Variants in MGST1 observed in about 807,000 individuals in gnomAD.
MGST1 encodes glutathione S-transferase 12.
A neutral mutation model predicts 8.9 loss-of-function variants in MGST1; 5 were observed. The ratio of observed to expected loss-of-function variants is 0.56; its 90% CI spans 0.29 to 1.19. The LOEUF (loss-of-function observed/expected upper bound fraction) is 1.19, where lower values mean the gene tolerates loss of function less well. Ranked by LOEUF, MGST1 falls within the 50% of genes most tolerant of loss-of-function variation. The pLI, the probability that MGST1 is intolerant of heterozygous loss-of-function variation, is 0.08. For missense variants in MGST1, 182 were observed against 187.4 expected, an observed-to-expected ratio of 0.97 and a Z score of 0.17; for synonymous variants, 54 against 67.8, an observed-to-expected ratio of 0.80 and a Z score of 1.00.
chr12:16,485,360 T>C (rs1442430189), intron 4 of MGST1, among the ~76,000 whole-genome samples: 2 of 152,208 alleles, frequency 1.3e-5, no homozygotes, highest in Non-Finnish European at 2.9e-5. Context: ...TAAAATTACA[T>C]AGGATTTAAA....
In MGST1 at chr12:16,576,599, CTT is replaced by C. The variant is rs1272414550; in HGVS notation, n.483-12927_483-12926del. ...GTATCAGTTACGTACCTGTTTGTCTCTTTCTCACTACATAATAAGCTCCCTGA... is the reference window on the plus strand; with the variant it reads ...GTATCAGTTACGTACCTGTTTGTCTCTCTCACTACATAATAAGCTCCCTGA... On this transcript the variant is annotated intron_variant and non_coding_transcript_variant, in intron 4 of 4. Transcript: ENST00000538857. The surrounding 1 kb of genome is among the most constrained non-coding windows in gnomAD (Gnocchi z 4.1). Among the ~76,000 whole-genome samples, 3 of 152,210 alleles carry C rather than the reference CTT, an allele frequency of 2.0e-5. No individual in the cohort carries two copies. Among genetic ancestry groups the C allele is most frequent in the Non-Finnish European group, 4.4e-5 (3 of 68,042 alleles).
rs1238284563 is a variant in MGST1, at chr12:16,482,535, G to A, written n.482+98931G>A. The stretch of plus-strand genomic sequence containing the variant: ...AATCCTAGCTACTCGGGAGGCCGAG[G>A]CAGGAGAATTGCTTGAAACTGGGAG... On this transcript the variant is annotated intron_variant and non_coding_transcript_variant, in intron 4 of 4. Coordinates refer to the MGST1 transcript ENST00000538857. This position sits in a 1 kb window ranked among gnomAD's most constrained non-coding sequence, Gnocchi z 4.2. 2.0e-5 allele frequency among the ~76,000 whole-genome samples: 3 copies of A among 152,080 alleles called. No homozygotes were observed. Among genetic ancestry groups the A allele is most frequent in the African/African-American group, 4.8e-5 (2 of 41,408 alleles).
At chr12:16,558,557 A>G (rs1942275846) in intron 4 of MGST1, among the ~76,000 whole-genome samples, 1 of 151,846 alleles carries the variant, frequency 6.6e-6, no homozygotes, top group African/African-American at 2.4e-5. Context: ...TATCCCTACC[A>G]AAAACATGTG....
intron 4 of MGST1, among the ~76,000 whole-genome samples, chr12:16,453,241 T>G (rs1941144096): frequency 6.6e-6 from 1 of 151,922 alleles, no homozygotes; most frequent in Non-Finnish European, 1.5e-5. Context: ...CAACGTCCTT[T>G]TAGACTTCAA....
chr12:16,430,106 T>G (rs898810460), intron 1 of MGST1, among the ~76,000 whole-genome samples: 1 of 152,204 alleles, frequency 6.6e-6, no homozygotes, highest in Non-Finnish European at 1.5e-5. Flanking sequence ...AAGAAATCAC[T>G]TTCTTTGCTC....
rs1216340295 is a variant in MGST1, at chr12:16,426,815, A to AC, written n.779-10573_779-10572insC. 4.1e-4 allele frequency among the ~76,000 whole-genome samples: 62 copies of AC among 151,872 alleles called. No homozygotes were observed. In the East Asian group the frequency reaches 4.5e-3, roughly 11 times the overall value. ...AAATACAAAAACAACAACAACAACA[A>AC]AAAAAAATTAGCCGGGCGTGATGGC... On this transcript the variant is annotated intron_variant and non_coding_transcript_variant, in intron 1 of 1. Coordinates refer to the MGST1 transcript ENST00000359720.
intron 4 of MGST1, among the ~76,000 whole-genome samples, chr12:16,480,142 C>CTTTTT (rs57998683): frequency 3.1e-5 from 4 of 129,942 alleles, no homozygotes; most frequent in African/African-American, 5.7e-5. Flanking sequence ...TAAAAATTTG[C>CTTTTT]TTTTTTTTTT....
downstream of MGST1, among the ~76,000 whole-genome samples, chr12:16,591,516 G>T (rs894629820): frequency 1.5e-5 from 2 of 133,490 alleles, no homozygotes; most frequent in Non-Finnish European, 3.2e-5. This position sits in a 1 kb window ranked among gnomAD's most constrained non-coding sequence, Gnocchi z 4.1. Flanking sequence ...TCTACAAGGG[G>T]AGCAGGTATT....
intron 1 of MGST1, among the ~76,000 whole-genome samples, chr12:16,424,005 C>T (rs1020482718): frequency 6.6e-6 from 1 of 152,138 alleles, no homozygotes; most frequent in African/African-American, 2.4e-5. Context: ...ATTCAGAGTA[C>T]ATTTATAGTC....
chr12:16,405,413 A>G (rs148672331), intron 1 of MGST1, among the ~76,000 whole-genome samples: 200 of 152,210 alleles, frequency 1.3e-3, no homozygotes, highest in East Asian at 2.3e-3. Flanking sequence ...CCAAAATTCA[A>G]TCAGTAATGA....
chr12:16,544,162 G>T lies in MGST1; in HGVS notation n.483-45366G>T. Among the ~76,000 whole-genome samples, 1 of 146,230 alleles carries T rather than the reference G, an allele frequency of 6.8e-6. No individual in the cohort carries two copies. On this transcript the variant is annotated intron_variant and non_coding_transcript_variant, in intron 4 of 4. Transcript: ENST00000538857. The surrounding 1 kb of genome is among the most constrained non-coding windows in gnomAD (Gnocchi z 4.8). ...CATGCCTTTTATTTTTGGATTTCTG[G>T]TTTTCTAAGGTATTGTCTTTCAAAA... is the stretch of plus-strand genomic sequence containing the variant.
rs144973079 is a variant in MGST1, at chr12:16,397,940, C to A, written n.778+14336C>A. ...CTCATTAAGATTTTGATTAGGATTA[C>A]AATAAATATAAATAGGTCAATATCT... On this transcript the variant is annotated intron_variant and non_coding_transcript_variant, in intron 1 of 1. Coordinates refer to the MGST1 transcript ENST00000359720. Among the ~76,000 whole-genome samples, 192 of 151,358 alleles carry A rather than the reference C, an allele frequency of 1.3e-3. 3 individuals are homozygous for A. In the East Asian group the frequency reaches 0.031, roughly 24 times the overall value.
chr12:16,546,248 AG>A lies in MGST1; in HGVS notation n.483-43279del, dbSNP rs1398135769. On this transcript the variant is annotated intron_variant and non_coding_transcript_variant, in intron 4 of 4. Coordinates refer to the MGST1 transcript ENST00000538857. The surrounding 1 kb of genome is among the most constrained non-coding windows in gnomAD (Gnocchi z 4.7). Reference sequence around the variant, plus strand: ...TCTTCTCCAGGAGCAGGGTGAAAAAAGATTTTGATTATGTATTATCTGAATG... The same window carrying A: ...TCTTCTCCAGGAGCAGGGTGAAAAAAATTTTGATTATGTATTATCTGAATG... Among the ~76,000 whole-genome samples, 1 of 152,142 alleles carries A rather than the reference AG, an allele frequency of 6.6e-6. No homozygotes were observed. The highest frequency in any genetic ancestry group is 1.5e-5 in the Non-Finnish European group (1 of 67,994).
intron 1 of MGST1, among the ~76,000 whole-genome samples, chr12:16,426,173 A>G (rs1235143706): frequency 1.3e-5 from 2 of 152,100 alleles, no homozygotes; most frequent in Non-Finnish European, 2.9e-5. Flanking sequence ...GGCTGACACT[A>G]TGTGTTTGCT....
intron 1 of MGST1, among the ~76,000 whole-genome samples, chr12:16,432,201 G>GTT (rs1170559853): frequency 6.6e-6 from 1 of 152,106 alleles, no homozygotes; most frequent in Non-Finnish European, 1.5e-5. Flanking sequence ...CTTCTGATAA[G>GTT]TTTAAGGAGA....
At chr12:16,400,305 T>A in intron 1 of MGST1, 1 of 794,380 alleles carries the variant, frequency 1.3e-6, no homozygotes, top group Non-Finnish European at 2.3e-6. Flanking sequence ...AGAGCTGGAA[T>A]GAAGCATGCT....
chr12:16,565,538 T>C (rs1220878606), intron 4 of MGST1, among the ~76,000 whole-genome samples: 1 of 152,154 alleles, frequency 6.6e-6, no homozygotes, highest in Non-Finnish European at 1.5e-5. Flanking sequence ...AAATGTATTA[T>C]GAAAGTTAAA....
chr12:16,360,435 AAACTT>A (rs1399555464), intron 3 of MGST1: 1 of 891,144 alleles, frequency 1.1e-6, no homozygotes, highest in African/African-American at 1.8e-5. Context: ...AATTAACTAA[AAACTT>A]AAGGTAATAT....
At chr12:16,421,654 G>A (rs1940836810) in intron 1 of MGST1, among the ~76,000 whole-genome samples, 1 of 152,130 alleles carries the variant, frequency 6.6e-6, no homozygotes, top group South Asian at 2.1e-4. Context: ...GTTTCTGGAT[G>A]GTGTGGTATG....
Sources: allele counts gnomAD v4.1 joint callset (sites outside exome capture counted in the v4.1 genomes callset), GRCh38; gene constraint gnomAD v4.1.1; non-coding constraint Gnocchi (gnomAD v3.1); transcripts MANE v1.5; gene names NCBI Gene and HGNC (gene_info 2026-07-23, HGNC 2026-07-21).